MCTP2: variants seen among roughly 807,000 people sequenced by gnomAD.
MCTP2 encodes the protein multiple C2 and transmembrane domain containing 2, also known as multiple C2 and transmembrane domain-containing protein 2.
In MCTP2, 132 loss-of-function variants were observed where a neutral mutation model predicts 111.6. The ratio of observed to expected loss-of-function variants is 1.18; its 90% CI spans 1.03 to 1.37. MCTP2 has a LOEUF of 1.37. Among genes scored for constraint, MCTP2 ranks in the 40% most tolerant of loss-of-function variants. The pLI, the probability that MCTP2 is intolerant of heterozygous loss-of-function variation, is 0.00. For synonymous variants in MCTP2, 395 were observed against 387.7 expected, an observed-to-expected ratio of 1.02 and a Z score of -0.22; for missense variants, 1,183 against 1,067.9, an observed-to-expected ratio of 1.11 and a Z score of -1.50.
intron 19 of MCTP2, among the ~76,000 whole-genome samples, chr15:94,456,350 G>C (rs909254141): frequency 3.3e-5 from 5 of 152,122 alleles, no homozygotes; most frequent in African/African-American, 1.2e-4. Context: ...AGTTGAAATA[G>C]GAAGTTTTTA....
chr15:94,311,253 C>T (rs1436485458), intron 2 of MCTP2, among the ~76,000 whole-genome samples: 4 of 152,000 alleles, frequency 2.6e-5, no homozygotes, highest in Non-Finnish European at 5.9e-5. Flanking sequence ...TCTCGAACTC[C>T]TGACCTCAGG....
intron 12 of MCTP2, among the ~76,000 whole-genome samples, chr15:94,383,420 G>A (rs1461175028): frequency 6.6e-6 from 1 of 152,184 alleles, no homozygotes; most frequent in Non-Finnish European, 1.5e-5. Context: ...TGTGGCCGCT[G>A]GCTTTCAAGG....
chr15:94,249,995 AAAAG>A (rs1488944668), intron 1 of MCTP2, among the ~76,000 whole-genome samples: 1 of 152,198 alleles, frequency 6.6e-6, no homozygotes, highest in African/African-American at 2.4e-5. Flanking sequence ...AAAAGAAAAA[AAAAG>A]CACATATTAT....
chr15:94,381,337 A>G (rs989406664), intron 12 of MCTP2, among the ~76,000 whole-genome samples: 4 of 152,228 alleles, frequency 2.6e-5, no homozygotes, highest in African/African-American at 9.6e-5. Context: ...TTTATACTGT[A>G]AAATTAATAA....
chr15:94,404,875 C>T (rs1321035721), intron 17 of MCTP2, among the ~76,000 whole-genome samples: 1 of 152,164 alleles, frequency 6.6e-6, no homozygotes, highest in East Asian at 1.9e-4. Context: ...CACTATGCAA[C>T]TGCCATATCT....
intron 1 of MCTP2, among the ~76,000 whole-genome samples, chr15:94,255,473 A>G (rs2072704640): frequency 8.0e-6 from 1 of 124,400 alleles, no homozygotes; most frequent in Non-Finnish European, 1.8e-5. Context: ...GACTTTCGTC[A>G]TAGCACTTAT....
rs55948508 is a variant in MCTP2 at position 94,435,769 on chromosome 15, T to C, written c.2086-4407T>C. 5.5e-3 allele frequency among the ~76,000 whole-genome samples: 723 copies of C among 131,448 alleles called. 61 individuals are homozygous for C. The highest frequency in any genetic ancestry group is 0.016 in the African/African-American group (627 of 38,040). The allele number at this position is 131,448 out of a possible 152,430, so 86.2% of individuals were successfully genotyped here. On this transcript the variant is annotated intron_variant, in intron 17 of 22. Transcript: ENST00000357742. ...GCCTCAGCCTCCCGAGTAGCTGGGA[T>C]TACAGGCGCCCGCCACTACACCCGG...
chr15:94,241,694 G>A (rs1204954353), intron 1 of MCTP2, among the ~76,000 whole-genome samples: 1 of 151,860 alleles, frequency 6.6e-6, no homozygotes, highest in Non-Finnish European at 1.5e-5. Flanking sequence ...ACTTACTAGT[G>A]GTTCCTTTGT....
chr15:94,459,662 C>T (rs1052296104), intron 20 of MCTP2, among the ~76,000 whole-genome samples: 1 of 152,140 alleles, frequency 6.6e-6, no homozygotes, highest in African/African-American at 2.4e-5. Flanking sequence ...TTAATATAAA[C>T]ATATTTGAAA....
intron 17 of MCTP2, among the ~76,000 whole-genome samples, chr15:94,410,195 C>T (rs577204671): frequency 1.5e-4 from 23 of 152,188 alleles, no homozygotes; most frequent in Non-Finnish European, 2.2e-4. Flanking sequence ...AGAAAGGCCT[C>T]GCTAAAACAC....
intron 14 of MCTP2, among the ~76,000 whole-genome samples, chr15:94,395,334 GAA>G (rs1392170092): frequency 2.0e-5 from 3 of 152,164 alleles, no homozygotes; most frequent in Admixed American, 1.3e-4. Flanking sequence ...TTTCTAACTG[GAA>G]GGTCAAACAA....
chr15:94,385,666 A>G (rs1481419409), intron 14 of MCTP2, 141 bp downstream of exon 14: 2 of 599,104 alleles, frequency 3.3e-6, no homozygotes, highest in Admixed American at 2.7e-5. Context: ...TTTATTCCTC[A>G]TTCTTTTCCG....
At chr15:94,332,490 G>C (rs950917191) in intron 4 of MCTP2, among the ~76,000 whole-genome samples, 1 of 152,110 alleles carries the variant, frequency 6.6e-6, no homozygotes, top group South Asian at 2.1e-4. Flanking sequence ...CCAAATACTA[G>C]TTTTGTCATT....
At position 94,399,911 on chromosome 15, in the gene MCTP2, T is replaced by C; in HGVS notation, c.1891-10T>C. 6.2e-7 allele frequency: 1 copy of C among 1,613,248 alleles called. No individual in the cohort carries two copies. ...ATGCTGCCCTTTTTTAACAAGGATG[T>C]CTTTTCTAGGTGAAAGCAAGTATTA... On this transcript the variant is annotated splice_polypyrimidine_tract_variant and intron_variant, in intron 15 of 22. Transcript: ENST00000357742.
rs146934836 is a variant in MCTP2 at position 94,334,392 on chromosome 15, A to G, written c.638-4898A>G. Among the ~76,000 whole-genome samples, 403 of 152,362 alleles carry G rather than the reference A, an allele frequency of 2.6e-3. 2 individuals carry two copies. The highest frequency in any genetic ancestry group is 9.5e-3 in the African/African-American group (395 of 41,584). Reference sequence around the variant, plus strand: ...GTATAATCCATCTACCAGGCATATTAGGCACCTCTGGGCATTAATCTTACC... The same window carrying G: ...GTATAATCCATCTACCAGGCATATTGGGCACCTCTGGGCATTAATCTTACC... On this transcript the variant is annotated intron_variant, in intron 4 of 22. Coordinates refer to ENST00000357742, the MANE Select transcript of MCTP2 (RefSeq NM_001385001.1).
chr15:94,253,980 A>G (rs1020853326), intron 1 of MCTP2, among the ~76,000 whole-genome samples: 3 of 152,118 alleles, frequency 2.0e-5, no homozygotes, highest in African/African-American at 7.2e-5. Context: ...CTAATTTCAA[A>G]TGGTATAGAT....
intron 17 of MCTP2, among the ~76,000 whole-genome samples, chr15:94,426,260 A>G (rs1220754974): frequency 6.6e-6 from 1 of 151,968 alleles, no homozygotes; most frequent in Non-Finnish European, 1.5e-5. Flanking sequence ...GAAGATTCTC[A>G]TCCAGTATCA....
chr15:94,359,580 G>A (rs2060372), intron 10 of MCTP2, among the ~76,000 whole-genome samples: 68,307 of 152,038 alleles, frequency 0.45, 15,535 homozygotes, highest in Admixed American at 0.5. Flanking sequence ...TCTGTGGCCA[G>A]AGCATCTCAG....
chr15:94,256,391 C>A (rs1461840039), intron 1 of MCTP2, among the ~76,000 whole-genome samples: 1 of 152,146 alleles, frequency 6.6e-6, no homozygotes, highest in Admixed American at 6.5e-5. Context: ...GGATACTCAA[C>A]CTGTAGTAGG....
Sources: allele counts gnomAD v4.1 joint callset (sites outside exome capture counted in the v4.1 genomes callset), GRCh38; gene constraint gnomAD v4.1.1; transcripts MANE v1.5; gene names NCBI Gene and HGNC (gene_info 2026-07-23, HGNC 2026-07-21).